The following CDH18 variants were observed in gnomAD, a reference collection of about 807,000 sequenced individuals.
The protein encoded by CDH18 is cadherin 18.
CDH18 carries 31 observed loss-of-function variants against 67.9 expected under a neutral mutation model. The ratio of observed to expected loss-of-function variants is 0.46; its 90% CI spans 0.34 to 0.62. CDH18 has a LOEUF of 0.62. Ranked by LOEUF, CDH18 falls within the 20% of genes least tolerant of loss-of-function variation. The pLI, the probability that CDH18 is intolerant of heterozygous loss-of-function variation, is 0.01. For missense variants in CDH18, 890 were observed against 975.5 expected (o/e 0.91, Z 1.17); for synonymous variants, 362 against 347.2 (o/e 1.04, Z -0.48).
intron 1 of CDH18, among the ~76,000 whole-genome samples, chr5:20,455,946 G>T (rs1750806953): frequency 6.6e-6 from 1 of 151,976 alleles, no homozygotes; most frequent in South Asian, 2.1e-4. Context: ...TTTACTCATT[G>T]GTAATCATGC....
intron 2 of CDH18, among the ~76,000 whole-genome samples, chr5:19,844,647 G>T (rs1283982555): frequency 2.0e-5 from 3 of 152,140 alleles, no homozygotes; most frequent in African/African-American, 4.8e-5. Flanking sequence ...GCACATAAAT[G>T]ATATGCTCAA....
At chr5:20,225,229 C>T (rs1741521827) in intron 2 of CDH18, among the ~76,000 whole-genome samples, 1 of 152,134 alleles carries the variant, frequency 6.6e-6, no homozygotes, top group Non-Finnish European at 1.5e-5. Context: ...GTCATCACCT[C>T]CTGTGACATA....
chr5:19,853,095 C>T (rs1300006899), intron 2 of CDH18, among the ~76,000 whole-genome samples: 1 of 152,096 alleles, frequency 6.6e-6, no homozygotes, highest in Non-Finnish European at 1.5e-5. Context: ...GATGTCATAA[C>T]AAAACACCAT....
chr5:19,516,538 G>T (rs1442058820), intron 10 of CDH18, among the ~76,000 whole-genome samples: 1 of 152,078 alleles, frequency 6.6e-6, no homozygotes, highest in Admixed American at 6.6e-5. Context: ...GCTGTTATTG[G>T]TCTATTCAGC....
At chr5:19,770,014 C>A (rs1482255071) in intron 3 of CDH18, among the ~76,000 whole-genome samples, 1 of 151,744 alleles carries the variant, frequency 6.6e-6, no homozygotes, top group African/African-American at 2.4e-5. Flanking sequence ...TAAATGAAAA[C>A]CACAATGGGT....
Position 19,975,979 on chromosome 5 carries a change from C to T in CDH18, c.-257+5081G>A, listed in dbSNP as rs77901913. ...TTCTCAGAGAAACAGCTATTCCTAA[C>T]GGTTACTTATTTCCAGAGTCACAGT... is the stretch of plus-strand genomic sequence containing the variant. On this transcript the variant is annotated intron_variant, in intron 2 of 12. Transcript: ENST00000382275. 8.7e-4 allele frequency among the ~76,000 whole-genome samples: 133 copies of T among 152,260 alleles called. 1 individual carries two copies. The highest frequency in any genetic ancestry group is 3.0e-3 in the African/African-American group (126 of 41,554).
chr5:19,860,736 AATG>A (rs1175281261), intron 2 of CDH18, among the ~76,000 whole-genome samples: 1 of 152,018 alleles, frequency 6.6e-6, no homozygotes, highest in African/African-American at 2.4e-5. Context: ...ACTTCTTAAT[AATG>A]ATAATTACCA....
At chr5:20,423,546 T>G (rs1748028207) in intron 1 of CDH18, among the ~76,000 whole-genome samples, 1 of 150,736 alleles carries the variant, frequency 6.6e-6, no homozygotes, top group South Asian at 2.1e-4. Context: ...ATACTGCAAG[T>G]AGAAAAAAGA....
intron 6 of CDH18, among the ~76,000 whole-genome samples, chr5:19,604,169 T>A (rs1177491784): frequency 6.6e-6 from 1 of 152,062 alleles, no homozygotes; most frequent in Non-Finnish European, 1.5e-5. Flanking sequence ...TTTCTTTTCC[T>A]CCAGGACAGC....
At chr5:19,591,288 T>C (rs1486778733) in intron 6 of CDH18, 44 bp from the exon 7 acceptor site, 4 of 1,291,970 alleles carry the variant, frequency 3.1e-6, no homozygotes, top group African/African-American at 3.0e-5. Context: ...ACAATGTTCA[T>C]GAAATAATCT....
intron 2 of CDH18, among the ~76,000 whole-genome samples, chr5:19,884,061 T>A (rs574331153): frequency 6.6e-6 from 1 of 152,266 alleles, no homozygotes; most frequent in East Asian, 1.9e-4. Flanking sequence ...TATGTTGAAA[T>A]GTATAATCTT....
At chr5:20,418,438 C>T (rs1023355621) in intron 1 of CDH18, among the ~76,000 whole-genome samples, 9 of 151,442 alleles carry the variant, frequency 5.9e-5, no homozygotes, top group Non-Finnish European at 8.8e-5. Context: ...GCATACAACT[C>T]CTCCAGGGGA....
intron 3 of CDH18, among the ~76,000 whole-genome samples, chr5:19,776,808 A>C (rs555480126): frequency 1.3e-5 from 2 of 152,314 alleles, no homozygotes; most frequent in African/African-American, 2.4e-5. Context: ...ATGTTCCATA[A>C]GTTTTGGTTT....
chr5:20,151,486 T>A (rs1331901428), intron 2 of CDH18, among the ~76,000 whole-genome samples: 9 of 152,132 alleles, frequency 5.9e-5, no homozygotes, highest in African/African-American at 2.2e-4. Flanking sequence ...ATAATCTGTT[T>A]TCCTTTGGGT....
intron 12 of CDH18, among the ~76,000 whole-genome samples, chr5:19,474,335 C>T (rs763660982): frequency 1.3e-5 from 2 of 152,032 alleles, no homozygotes; most frequent in African/African-American, 2.4e-5. Context: ...ATTATTTGTA[C>T]ACAACTTGTT....
At chr5:20,572,494 A>G (rs984234134) in intron 1 of CDH18, among the ~76,000 whole-genome samples, 1 of 152,176 alleles carries the variant, frequency 6.6e-6, no homozygotes, top group East Asian at 1.9e-4. Flanking sequence ...TATATACAAG[A>G]ATATTTTAAA....
chr5:20,356,384 A>C (rs990296479), intron 1 of CDH18, among the ~76,000 whole-genome samples: 2 of 152,144 alleles, frequency 1.3e-5, no homozygotes, highest in Non-Finnish European at 2.9e-5. Flanking sequence ...CTCCATCTCA[A>C]ACAAACAAAC....
intron 1 of CDH18, among the ~76,000 whole-genome samples, chr5:20,552,073 C>T (rs2126623531): frequency 6.6e-6 from 1 of 151,748 alleles, no homozygotes; most frequent in African/African-American, 2.4e-5. Flanking sequence ...AAACATCATA[C>T]AATAGCAATA....
intron 1 of CDH18, among the ~76,000 whole-genome samples, chr5:20,268,954 A>G (rs1460518608): frequency 6.6e-6 from 1 of 152,192 alleles, no homozygotes; most frequent in Non-Finnish European, 1.5e-5. Context: ...TGAATGGGAG[A>G]AAATATTTGC....
Sources: gnomAD v4.1 joint callset for allele counts (sites outside exome capture counted in the v4.1 genomes callset) on GRCh38, gnomAD v4.1.1 for gene constraint, MANE v1.5 for transcripts, NCBI Gene and HGNC (gene_info 2026-07-23, HGNC 2026-07-21) for gene names.